PDE6A: variants seen among roughly 807,000 people sequenced by gnomAD.
PDE6A encodes the protein rod cGMP-specific 3',5'-cyclic phosphodiesterase subunit alpha.
PDE6A carries 84 observed loss-of-function variants against 106.3 expected under a neutral mutation model. That is an observed-to-expected ratio of 0.79 (90% CI 0.66 to 0.95). The LOEUF is 0.95. PDE6A is among the 40% of genes least tolerant of loss of function. PDE6A has a pLI of 0.00. For synonymous variants in PDE6A, 394 were observed against 386.6 expected, an observed-to-expected ratio of 1.02 and a Z score of -0.23; for missense variants, 1,052 against 1,084.9, an observed-to-expected ratio of 0.97 and a Z score of 0.43.
At chr5:149,941,400 C>T (rs557549749) in intron 1 of PDE6A, among the ~76,000 whole-genome samples, 1 of 152,266 alleles carries the variant, frequency 6.6e-6, no homozygotes, top group East Asian at 1.9e-4. Flanking sequence ...TGCATTACTG[C>T]CTTTAAAAAC....
intron 17 of PDE6A, among the ~76,000 whole-genome samples, chr5:149,870,928 G>C (rs1355235471): frequency 6.7e-6 from 1 of 148,178 alleles, no homozygotes; most frequent in Non-Finnish European, 1.5e-5. Context: ...AAAGAAGAAA[G>C]AAAGGAAGAG....
At chr5:149,915,260 C>T (rs1753517219) in intron 5 of PDE6A, among the ~76,000 whole-genome samples, 1 of 152,038 alleles carries the variant, frequency 6.6e-6, no homozygotes, top group Admixed American at 6.6e-5. Context: ...CTGCCCACCT[C>T]AGCCTCCCGA....
At chr5:149,917,411 A>G (rs1258823943) in intron 5 of PDE6A, among the ~76,000 whole-genome samples, 1 of 152,180 alleles carries the variant, frequency 6.6e-6, no homozygotes, top group Admixed American at 6.5e-5. Context: ...CAGAACCTCC[A>G]CAAAGAGGAA....
chr5:149,924,361 A>G (rs1753815021), intron 4 of PDE6A, among the ~76,000 whole-genome samples: 1 of 152,038 alleles, frequency 6.6e-6, no homozygotes. Context: ...GTTGTCAAAC[A>G]AGGGGTTGTA....
At chr5:149,861,670 G>C (rs1191895410) in intron 21 of PDE6A, among the ~76,000 whole-genome samples, 2 of 152,026 alleles carry the variant, frequency 1.3e-5, no homozygotes, top group Admixed American at 6.6e-5. Flanking sequence ...AGAAAAAGAG[G>C]CTGTAAATCT....
intron 8 of PDE6A, among the ~76,000 whole-genome samples, chr5:149,900,494 G>A (rs1484927157): frequency 6.7e-6 from 1 of 150,310 alleles, no homozygotes; most frequent in Non-Finnish European, 1.5e-5. Context: ...CTCATAATCT[G>A]TAAGGTAAAC....
At position 149,884,540 on chromosome 5, in the gene PDE6A, C is replaced by G. The variant is rs199871385; in HGVS notation, c.1966G>C (p.Glu656Gln). The part of the protein sequence containing the change: ...IFQNLNRRQH[E>Q]HAIHMMDIAI... ...ATGTCCATCATGTGGATGGCATGCT[C>G]ATGCTGTCGACGATTGAGGTTTTGA... The change falls in exon 16 of 22, where the codon GAG (glutamate) becomes CAG (glutamine). Residue 656 changes from glutamate to glutamine, a missense_variant. Physicochemically the swap from Glu to Gln is conservative, Grantham distance 29. This residue lies in a region of PDE6A where 913 missense variants were observed against 915.2 expected (regional missense o/e 1.00). Transcript: ENST00000255266. The G allele has an allele frequency of 1.9e-6, 3 of 1,613,724 alleles. No individual in the cohort carries two copies. The African/African-American group carries it at 4.0e-5, about 22-fold the overall frequency.
In PDE6A at chr5:149,858,814, A is replaced by ATTTTTTTT. The variant is rs1760022394; in HGVS notation, c.*2080_*2081insAAAAAAAA. 9.6e-6 allele frequency: 1 copy of ATTTTTTTT among 104,018 alleles called. No individual in the cohort carries two copies. Among genetic ancestry groups the ATTTTTTTT allele is most frequent in the African/African-American group, 3.6e-5 (1 of 27,762 alleles). 6.4% of individuals were successfully genotyped at this position (104,018 alleles called of 1,614,324 possible). On this transcript the variant is annotated 3_prime_UTR_variant, in exon 22 of 22. Transcript: ENST00000255266. ...GAAAGAGAGAAATTCTATCTGCCAC[A>ATTTTTTTT]TCTTTTTTTTTTCTTTTTTTTTTTT...
chr5:149,869,437 C>A (rs1760455051), intron 17 of PDE6A, among the ~76,000 whole-genome samples: 1 of 151,480 alleles, frequency 6.6e-6, no homozygotes, highest in Non-Finnish European at 1.5e-5. Flanking sequence ...AAAGGCAAGG[C>A]AGGTATTATT....
At chr5:149,865,978 G>A (rs187002026) in intron 20 of PDE6A, among the ~76,000 whole-genome samples, 192 bp downstream of exon 20, 3 of 152,318 alleles carry the variant, frequency 2.0e-5, no homozygotes, top group East Asian at 1.9e-4. Context: ...TGTACCGTAC[G>A]CTGGAGCCTG....
chr5:149,922,003 A>T (rs1359763927), intron 4 of PDE6A, among the ~76,000 whole-genome samples: 1 of 152,208 alleles, frequency 6.6e-6, no homozygotes, highest in Non-Finnish European at 1.5e-5. Context: ...CTTTACGGCT[A>T]AGAAATTTAC....
At chr5:149,884,981 T>C (rs964391676) in intron 14 of PDE6A, 114 bp from the exon 15 acceptor site, 17 of 868,924 alleles carry the variant, frequency 2.0e-5, no homozygotes, top group Non-Finnish European at 3.2e-5. Context: ...CGAGTTACTT[T>C]TGGGTCGTGA....
chr5:149,868,171 G>A lies in PDE6A; in HGVS notation c.2136-13C>T, dbSNP rs200483225. 1 of 1,613,626 alleles carries A rather than the reference G, an allele frequency of 6.2e-7. No homozygotes were observed. Among genetic ancestry groups the A allele is most frequent in the East Asian group, 2.2e-5 (1 of 44,862 alleles). ...CATCATCATGGCCCTGGGCACACAG[G>A]ACACCCTCTATCAGTCCAGGGCCAT... On this transcript the variant is annotated splice_polypyrimidine_tract_variant and intron_variant, in intron 17 of 21. Coordinates refer to ENST00000255266, the MANE Select transcript of PDE6A (RefSeq NM_000440.3).
intron 7 of PDE6A, among the ~76,000 whole-genome samples, chr5:149,905,151 A>T (rs1410953814): frequency 1.3e-5 from 2 of 152,104 alleles, no homozygotes; most frequent in East Asian, 3.9e-4. Context: ...TTCCACTTCC[A>T]GAGAGACACT....
At chr5:149,928,231 A>ATATATATATATT in intron 4 of PDE6A, among the ~76,000 whole-genome samples, 6 of 19,748 alleles carry the variant, frequency 3.0e-4, no homozygotes, top group African/African-American at 1.9e-3. Context: ...ATATATATAT[A>ATATATATATATT]TTTTTTTTTT....
intron 7 of PDE6A, among the ~76,000 whole-genome samples, chr5:149,904,777 T>C (rs1257208922): frequency 6.6e-6 from 1 of 151,932 alleles, no homozygotes; most frequent in African/African-American, 2.4e-5. Flanking sequence ...TTACTATCAT[T>C]GTCTCCTGAT....
intron 13 of PDE6A, among the ~76,000 whole-genome samples, chr5:149,889,958 T>TC (rs1491337583): frequency 3.8e-5 from 4 of 105,974 alleles, no homozygotes; most frequent in African/African-American, 9.0e-5. Context: ...GTCATATTCA[T>TC]TTTTTTTTTT....
intron 5 of PDE6A, among the ~76,000 whole-genome samples, chr5:149,919,793 A>T (rs1299478919): frequency 5.3e-5 from 8 of 152,210 alleles, no homozygotes; most frequent in Non-Finnish European, 5.9e-5. Context: ...CACTTTTTAA[A>T]AGACTGCTAT....
chr5:149,882,245 A>G (rs1561702832), intron 17 of PDE6A, among the ~76,000 whole-genome samples: 1 of 151,758 alleles, frequency 6.6e-6, no homozygotes, highest in Non-Finnish European at 1.5e-5. Flanking sequence ...AGGAGTGGCA[A>G]CTTGCTGCTG....
Sources: allele counts gnomAD v4.1 joint callset (sites outside exome capture counted in the v4.1 genomes callset), GRCh38; gene constraint gnomAD v4.1.1; regional missense constraint gnomAD v4.1.1; transcripts MANE v1.5; gene names NCBI Gene and HGNC (gene_info 2026-07-23, HGNC 2026-07-21).